The following PCF11 variants were observed in gnomAD, a reference collection of about 807,000 sequenced individuals.
The protein encoded by PCF11 is pre-mRNA cleavage complex 2 protein Pcf11.
In PCF11, 19 loss-of-function variants were observed where a neutral mutation model predicts 166.1. That is an observed-to-expected ratio of 0.11 (90% CI 0.08 to 0.17). The LOEUF (loss-of-function observed/expected upper bound fraction) is 0.17, where lower values mean the gene tolerates loss of function less well. Ranked by LOEUF, PCF11 falls within the 10% of genes least tolerant of loss-of-function variation. The pLI, the probability that PCF11 is intolerant of heterozygous loss-of-function variation, is 1.00. For missense variants in PCF11, 1,565 were observed against 1,855.5 expected (o/e 0.84, Z 2.88); for synonymous variants, 663 against 644.1 (o/e 1.03, Z -0.44).
chr11:83,163,895 C>A, intron 3 of PCF11, 28 bp downstream of exon 3: 2 of 1,035,412 alleles, frequency 1.9e-6, no homozygotes, highest in Non-Finnish European at 2.7e-6. Flanking sequence ...TAGTAAGTAA[C>A]ATACTTTTAA....
chr11:83,163,627 TA>T, intron 2 of PCF11, 51 bp from the exon 3 acceptor site: 1 of 613,200 alleles, frequency 1.6e-6, no homozygotes, highest in Non-Finnish European at 2.5e-6. Flanking sequence ...ATTTAATATA[TA>T]AAATATTCTA....
At chr11:83,172,000 C>G in intron 9 of PCF11, 86 bp downstream of exon 9, 4 of 728,766 alleles carry the variant, frequency 5.5e-6, no homozygotes, top group Non-Finnish European at 9.7e-6. Flanking sequence ...TAGGAAATGA[C>G]AGTTTTGCAA....
At chr11:83,168,559 C>T in exon 8 of PCF11, 2 of 1,614,034 alleles carry the variant, frequency 1.2e-6, no homozygotes, top group Non-Finnish European at 1.7e-6. Context: ...AAATCAGCGA[C>T]TTACAGCTTT....
chr11:83,168,041 AGGAAAG>A, intron 7 of PCF11, 143 bp downstream of exon 7: 2 of 616,170 alleles, frequency 3.2e-6, no homozygotes, highest in Non-Finnish European at 4.8e-6. Context: ...TTTCCCTTTA[AGGAAAG>A]GGAAGGGAAG....
chr11:83,175,835 C>T (rs946832964), intron 9 of PCF11, among the ~76,000 whole-genome samples: 12 of 152,148 alleles, frequency 7.9e-5, no homozygotes, highest in African/African-American at 2.9e-4. Flanking sequence ...GATTCCTCAC[C>T]AATGAGGATT....
chr11:83,164,407 TAAGG>T lies in PCF11; in HGVS notation c.702+7_702+10del. The stretch of plus-strand genomic sequence containing the variant: ...AGCAAGCTAAGGCACAGTTGGTAAG[TAAGG>T]GAGATTGTCATTTTAAATATTTTAA... On this transcript the variant is annotated splice_region_variant and intron_variant, in intron 4 of 15. Transcript: ENST00000298281. 6.3e-7 allele frequency: 1 copy of T among 1,598,630 alleles called. No individual in the cohort carries two copies.
chr11:83,165,174 A>G (rs960868408), intron 4 of PCF11, among the ~76,000 whole-genome samples: 1 of 152,230 alleles, frequency 6.6e-6, no homozygotes, highest in Non-Finnish European at 1.5e-5. Flanking sequence ...AGTGAGGTGC[A>G]GGAAGGCAGA....
exon 1 of PCF11, chr11:83,157,390 A>AGCGGCT: frequency 1.3e-6 from 2 of 1,541,274 alleles, no homozygotes; most frequent in Non-Finnish European, 1.8e-6. Flanking sequence ...GGGTATCCAG[A>AGCGGCT]GCGGCTTCAG....
chr11:83,166,298 G>C (rs1375578945), exon 5 of PCF11: 2 of 1,613,470 alleles, frequency 1.2e-6, no homozygotes, highest in Non-Finnish European at 1.7e-6. Flanking sequence ...CAGAAAAACA[G>C]GGGACAAAAC....
chr11:83,161,739 A>G (rs1860262588), intron 2 of PCF11, among the ~76,000 whole-genome samples: 1 of 152,198 alleles, frequency 6.6e-6, no homozygotes, highest in Non-Finnish European at 1.5e-5. Flanking sequence ...CTGTTTCATC[A>G]CTTACAAACC....
At chr11:83,163,910 C>T (rs1590922826) in intron 3 of PCF11, 43 bp downstream of exon 3, 1 of 892,800 alleles carries the variant, frequency 1.1e-6, no homozygotes, top group Non-Finnish European at 1.6e-6. Context: ...TTTTAAGTAT[C>T]ACATTTTGAA....
exon 5 of PCF11, chr11:83,166,149 G>A (rs1165032340): frequency 6.2e-7 from 1 of 1,609,390 alleles, no homozygotes; most frequent in African/African-American, 1.3e-5. Context: ...CAAAGATGAT[G>A]ATGTGAAAGA....
At chr11:83,161,297 T>C (rs776984494) in intron 1 of PCF11, 30 bp from the exon 2 acceptor site, 10 of 1,561,726 alleles carry the variant, frequency 6.4e-6, no homozygotes, top group African/African-American at 2.8e-5. Flanking sequence ...TAATTCATTA[T>C]ACTAAACTTC....
At chr11:83,172,328 G>A (rs913798552) in intron 9 of PCF11, among the ~76,000 whole-genome samples, 7 of 152,114 alleles carry the variant, frequency 4.6e-5, no homozygotes, top group South Asian at 2.1e-4. Flanking sequence ...AGCAAAAAGC[G>A]GCTTTCCTAG....
chr11:83,171,301 A>G (rs1860681530), intron 8 of PCF11: 2 of 455,704 alleles, frequency 4.4e-6, no homozygotes, highest in South Asian at 3.1e-5. Flanking sequence ...CTGCTTGGTA[A>G]TTCAGAATGC....
exon 1 of PCF11, chr11:83,157,183 G>C (rs1440497435): frequency 1.7e-6 from 1 of 574,914 alleles, no homozygotes; most frequent in East Asian, 2.8e-5. Context: ...AGCCGCCACT[G>C]CCGCCGCCAT....
intron 12 of PCF11, among the ~76,000 whole-genome samples, 180 bp downstream of exon 12, chr11:83,181,371 G>C (rs921800376): frequency 3.3e-5 from 5 of 150,210 alleles, no homozygotes; most frequent in Admixed American, 2.0e-4. Flanking sequence ...AATATAAACA[G>C]ATTTTTTAAA....
intron 3 of PCF11, 48 bp downstream of exon 3, chr11:83,163,915 T>C: frequency 1.1e-6 from 1 of 876,032 alleles, no homozygotes; most frequent in Non-Finnish European, 1.7e-6. Context: ...AGTATCACAT[T>C]TTGAATTCTT....
At chr11:83,183,386 GAAGAT>G (rs1861149804) in intron 15 of PCF11, among the ~76,000 whole-genome samples, 1 of 152,188 alleles carries the variant, frequency 6.6e-6, no homozygotes, top group African/African-American at 2.4e-5. Flanking sequence ...GAGGAAAAGT[GAAGAT>G]AAGGATCCTG....
Sources: gnomAD v4.1 joint callset for allele counts (sites outside exome capture counted in the v4.1 genomes callset) on GRCh38, gnomAD v4.1.1 for gene constraint, MANE v1.5 for transcripts, NCBI Gene and HGNC (gene_info 2026-07-23, HGNC 2026-07-21) for gene names.